Variants in MMAA observed in about 807,000 individuals in gnomAD.
MMAA encodes metabolism of cobalamin associated A.
A neutral mutation model predicts 45.0 loss-of-function variants in MMAA; 41 were observed. The observed-to-expected ratio is 0.91, with a 90% CI of 0.71 to 1.18. The LOEUF is 1.18. Among genes scored for constraint, MMAA ranks in the 50% most tolerant of loss-of-function variants. The pLI is 0.00. For missense variants in MMAA, 460 were observed against 495.7 expected, an observed-to-expected ratio of 0.93 and a Z score of 0.68; for synonymous variants, 154 against 178.2, an observed-to-expected ratio of 0.86 and a Z score of 1.08.
At chr4:145,627,786 T>C (rs925509307) in intron 1 of MMAA, among the ~76,000 whole-genome samples, 9 of 152,150 alleles carry the variant, frequency 5.9e-5, no homozygotes, top group African/African-American at 2.2e-4. Context: ...TTTATTATAG[T>C]ATATATATAG....
At chr4:145,645,437 T>G (rs1156346210) in intron 3 of MMAA, among the ~76,000 whole-genome samples, 2 of 152,206 alleles carry the variant, frequency 1.3e-5, no homozygotes, top group Admixed American at 1.3e-4. Flanking sequence ...TATAATTACA[T>G]TTGCTTCTCC....
intron 1 of MMAA, among the ~76,000 whole-genome samples, chr4:145,631,355 G>A (rs941957085): frequency 6.6e-6 from 1 of 152,128 alleles, no homozygotes; most frequent in African/African-American, 2.4e-5. Flanking sequence ...ATTTAAAATT[G>A]TTATATCCTC....
chr4:145,645,773 AG>A (rs1214246316), intron 3 of MMAA, among the ~76,000 whole-genome samples: 2 of 152,194 alleles, frequency 1.3e-5, no homozygotes, highest in Non-Finnish European at 2.9e-5. Flanking sequence ...ACCTTTGGTC[AG>A]GGGGAAGCTA....
intron 1 of MMAA, 96 bp from the exon 2 acceptor site, chr4:145,638,979 G>C: frequency 1.5e-6 from 1 of 671,824 alleles, no homozygotes; most frequent in East Asian, 2.7e-5. Flanking sequence ...ATTATGTGTG[G>C]TTTAGAATAT....
intron 1 of MMAA, among the ~76,000 whole-genome samples, chr4:145,627,924 A>G (rs1360162421): frequency 2.0e-5 from 3 of 152,166 alleles, no homozygotes; most frequent in African/African-American, 4.8e-5. Flanking sequence ...AAATGGTAAA[A>G]TGTGATTATT....
At position 145,659,487 on chromosome 4, in the gene MMAA, G is replaced by A. The variant is rs1246596731; in HGVS notation, c.*4053G>A. 6.6e-6 allele frequency: 1 copy of A among 152,116 alleles called. No homozygotes were observed. Among genetic ancestry groups the A allele is most frequent in the Admixed American group, 6.5e-5 (1 of 15,268 alleles). The allele number at this position is 152,116 out of a possible 1,614,324, so 9.4% of individuals were successfully genotyped here. On this transcript the variant is annotated 3_prime_UTR_variant, in exon 7 of 7. Coordinates refer to ENST00000649156, the MANE Select transcript of MMAA (RefSeq NM_172250.3). ...CCCCTCAGCTTCTTGATAGAGTGAGGTGAGGGCATATGTAAGTCAGTAAAC... is the reference window on the plus strand; with the variant it reads ...CCCCTCAGCTTCTTGATAGAGTGAGATGAGGGCATATGTAAGTCAGTAAAC...
At chr4:145,621,407 A>G (rs1334809346) in intron 1 of MMAA, among the ~76,000 whole-genome samples, 2 of 152,240 alleles carry the variant, frequency 1.3e-5, no homozygotes, top group Non-Finnish European at 2.9e-5. Flanking sequence ...GAAAAGTGAT[A>G]AAAAGTAAAG....
In MMAA at chr4:145,655,323, C is replaced by T. The variant is rs1186287486; in HGVS notation, c.1146C>T (p.His382=). The change falls in exon 7 of 7, where the codon CAC becomes CAT. Residue 382 remains histidine (H), a synonymous_variant. Transcript: ENST00000649156. The part of the protein sequence containing the change: ...QESVLEHFRT[H]PTVREQIPLL... ...GTGTGTTAGAGCATTTCAGGACCCACCCCACAGTCCGGGAACAGATTCCAC... is the reference window on the plus strand; with the variant it reads ...GTGTGTTAGAGCATTTCAGGACCCATCCCACAGTCCGGGAACAGATTCCAC... The T allele has an allele frequency of 1.2e-6, 2 of 1,614,132 alleles. No individual in the cohort carries two copies. The highest frequency in any genetic ancestry group is 2.2e-5 in the East Asian group (1 of 44,886).
At chr4:145,643,409 G>A (rs1236378603) in intron 3 of MMAA, among the ~76,000 whole-genome samples, 1 of 152,170 alleles carries the variant, frequency 6.6e-6, no homozygotes, top group African/African-American at 2.4e-5. Context: ...TTGTGAAGGG[G>A]TAAATACAAG....
At chr4:145,624,552 T>TCAGCAATTCTAGAAGGAAC in intron 1 of MMAA, 2 of 1,158,218 alleles carry the variant, frequency 1.7e-6, no homozygotes, top group Non-Finnish European at 2.6e-6. Context: ...TTGGAAGGAA[T>TCAGCAATTCTAGAAGGAAC]CAGCAATTCT....
chr4:145,640,167 C>T (rs1244451911), intron 2 of MMAA, among the ~76,000 whole-genome samples: 3 of 150,524 alleles, frequency 2.0e-5, no homozygotes, highest in Non-Finnish European at 4.4e-5. Context: ...AGTGCAGTGG[C>T]GCGATCTCGG....
intron 1 of MMAA, among the ~76,000 whole-genome samples, chr4:145,638,438 T>C (rs1727684253): frequency 6.6e-6 from 1 of 152,236 alleles, no homozygotes; most frequent in Non-Finnish European, 1.5e-5. Context: ...GGATTCTGAT[T>C]AGTGGGGCTG....
chr4:145,640,280 T>A (rs1482644765), intron 2 of MMAA, among the ~76,000 whole-genome samples: 1 of 151,918 alleles, frequency 6.6e-6, no homozygotes, highest in Non-Finnish European at 1.5e-5. Flanking sequence ...GCCCAGCTAA[T>A]TTTTGTATTT....
Position 145,658,764 on chromosome 4 carries a change from T to G in MMAA, c.*3330T>G, listed in dbSNP as rs901969597. ...ATGCTCACCAGGTAGACTGCCATCATAGAAGTCCTAATGCTACTGCTAAAA... is the reference window on the plus strand; with the variant it reads ...ATGCTCACCAGGTAGACTGCCATCAGAGAAGTCCTAATGCTACTGCTAAAA... On this transcript the variant is annotated 3_prime_UTR_variant, in exon 7 of 7. Transcript: ENST00000649156. 1.3e-5 allele frequency: 2 copies of G among 150,634 alleles called. No individual in the cohort carries two copies. The highest frequency in any genetic ancestry group is 2.4e-5 in the African/African-American group (1 of 40,916). The allele number at this position is 150,634 out of a possible 1,614,324, so 9.3% of individuals were successfully genotyped here.
intron 3 of MMAA, among the ~76,000 whole-genome samples, chr4:145,644,367 G>T (rs1727871629): frequency 6.6e-6 from 1 of 152,140 alleles, no homozygotes; most frequent in South Asian, 2.1e-4. Context: ...GTACATGTGT[G>T]GTCTAGAATT....
chr4:145,639,912 T>C, intron 2 of MMAA: 1 of 817,014 alleles, frequency 1.2e-6, no homozygotes, highest in Non-Finnish European at 1.5e-6. Context: ...GCTTAAATAG[T>C]TTAAAGTGAA....
At chr4:145,622,038 G>A (rs1734099180) in intron 1 of MMAA, among the ~76,000 whole-genome samples, 1 of 152,158 alleles carries the variant, frequency 6.6e-6, no homozygotes. Context: ...AATTCTGTGA[G>A]CAAATAATTG....
intron 4 of MMAA, among the ~76,000 whole-genome samples, chr4:145,648,752 A>G (rs1433296925): frequency 6.6e-6 from 1 of 152,192 alleles, no homozygotes; most frequent in Non-Finnish European, 1.5e-5. Flanking sequence ...TGGGAGGCCA[A>G]GGCAGGCAGG....
intron 4 of MMAA, among the ~76,000 whole-genome samples, chr4:145,646,773 T>A (rs186480831): frequency 1.2e-4 from 18 of 152,294 alleles, no homozygotes; most frequent in African/African-American, 4.3e-4. Flanking sequence ...AAGTATGCGA[T>A]AAAGGGCATT....
Sources: gnomAD v4.1 joint callset for allele counts (sites outside exome capture counted in the v4.1 genomes callset) on GRCh38, gnomAD v4.1.1 for gene constraint, MANE v1.5 for transcripts, NCBI Gene and HGNC (gene_info 2026-07-23, HGNC 2026-07-21) for gene names.